HECW2: variants seen among roughly 807,000 people sequenced by gnomAD.
The protein encoded by HECW2 is HECT, C2 and WW domain containing E3 ubiquitin protein ligase 2, also known as E3 ubiquitin-protein ligase HECW2.
Under a neutral mutation model 175.2 loss-of-function variants are expected in HECW2, and 61 were observed. The observed-to-expected ratio is 0.35, with a 90% confidence interval of 0.28 to 0.43. HECW2 has a LOEUF of 0.43. Ranked by LOEUF, HECW2 falls within the 20% of genes least tolerant of loss-of-function variation. The probability of loss-of-function intolerance (pLI) is 1.00; values close to 1 mark genes in which losing one functional copy is unlikely to be tolerated. For synonymous variants in HECW2, 671 were observed against 731.0 expected (o/e 0.92, Z 1.32); for missense variants, 1,524 against 2,000.5 (o/e 0.76, Z 4.54).
chr2:196,512,741 G>A (rs368531861), intron 1 of HECW2, among the ~76,000 whole-genome samples: 1 of 151,748 alleles, frequency 6.6e-6, no homozygotes, highest in African/African-American at 2.4e-5. Flanking sequence ...CCAGGCTGCA[G>A]TGCAGTGGTG....
At chr2:196,439,418 C>T (rs1695976153) in intron 1 of HECW2, among the ~76,000 whole-genome samples, 2 of 152,176 alleles carry the variant, frequency 1.3e-5, no homozygotes, top group Non-Finnish European at 2.9e-5. Flanking sequence ...AACGTCCATC[C>T]TTCCCCTGTC....
intron 1 of HECW2, among the ~76,000 whole-genome samples, chr2:196,499,173 G>A (rs992603800): frequency 2.6e-5 from 4 of 152,202 alleles, no homozygotes; most frequent in African/African-American, 9.6e-5. Context: ...CGCCATCTCA[G>A]TGTATTGGCT....
chr2:196,367,842 A>G lies in HECW2; in HGVS notation c.293-24078T>C, dbSNP rs1366521907. ...AGGATCTCATTCTTTTTCATGGCCG[A>G]ATAGTACTCCATTGTGTGTGTGTGT... On this transcript the variant is annotated intron_variant, in intron 2 of 28. Coordinates refer to ENST00000644978, the MANE Select transcript of HECW2 (RefSeq NM_001348768.2). 6.1e-5 allele frequency among the ~76,000 whole-genome samples: 9 copies of G among 146,944 alleles called. No individual in the cohort carries two copies. The East Asian group carries it at 1.7e-3, about 28-fold the overall frequency.
At chr2:196,445,920 C>G (rs553290809) in intron 1 of HECW2, among the ~76,000 whole-genome samples, 1 of 152,310 alleles carries the variant, frequency 6.6e-6, no homozygotes, top group East Asian at 1.9e-4. Context: ...GAATGAACAG[C>G]CTCCTTCCCC....
At chr2:196,223,428 C>A (rs75602034) in intron 23 of HECW2, among the ~76,000 whole-genome samples, 1 of 150,784 alleles carries the variant, frequency 6.6e-6, no homozygotes, top group African/African-American at 2.4e-5. Context: ...AAGCAAGAGA[C>A]GTAAAAAGGA....
At chr2:196,455,428 G>A (rs1696477367) in intron 1 of HECW2, among the ~76,000 whole-genome samples, 1 of 152,108 alleles carries the variant, frequency 6.6e-6, no homozygotes. Flanking sequence ...ATTTTTCTGA[G>A]ATAACTACAT....
chr2:196,208,659 G>T (rs1687154227), intron 28 of HECW2, among the ~76,000 whole-genome samples: 1 of 152,224 alleles, frequency 6.6e-6, no homozygotes, highest in South Asian at 2.1e-4. Flanking sequence ...ACAAGAAAGA[G>T]CCAGGCATGA....
At chr2:196,338,176 G>A (rs1386505322) in intron 3 of HECW2, among the ~76,000 whole-genome samples, 2 of 152,194 alleles carry the variant, frequency 1.3e-5, no homozygotes, top group African/African-American at 4.8e-5. Flanking sequence ...GCTTTGAACA[G>A]TGTTTAGGAA....
In HECW2 at chr2:196,437,418, C is replaced by T. The variant is rs533601479; in HGVS notation, c.-35-3960G>A. Among the ~76,000 whole-genome samples, 3 of 151,754 alleles carry T rather than the reference C, an allele frequency of 2.0e-5. No homozygotes were observed. The South Asian group carries it at 6.2e-4, about 32-fold the overall frequency. On this transcript the variant is annotated intron_variant, in intron 1 of 28. Transcript: ENST00000644978. ...CCTGAGGTCAGGAGTTCAAGATCAACCTGGCCAACATGGTAAAACTCTGTC... is the reference window on the plus strand; with the variant it reads ...CCTGAGGTCAGGAGTTCAAGATCAATCTGGCCAACATGGTAAAACTCTGTC...
At chr2:196,556,517 T>G (rs773921103) in intron 1 of HECW2, among the ~76,000 whole-genome samples, 2 of 152,170 alleles carry the variant, frequency 1.3e-5, no homozygotes, top group Non-Finnish European at 2.9e-5. Context: ...CATTTATAAG[T>G]GAGATTATGC....
At chr2:196,215,567 G>C (rs1022392084) in intron 28 of HECW2, among the ~76,000 whole-genome samples, 3 of 152,148 alleles carry the variant, frequency 2.0e-5, no homozygotes, top group African/African-American at 7.2e-5. Flanking sequence ...GGAAACACCT[G>C]ATTAGAGCCA....
chr2:196,202,391 C>T (rs2105757135), intron 28 of HECW2, among the ~76,000 whole-genome samples: 1 of 152,182 alleles, frequency 6.6e-6, no homozygotes, highest in African/African-American at 2.4e-5. Context: ...CAGAGATTTG[C>T]AGTTGGACAT....
At chr2:196,234,672 T>C (rs1433672381) in intron 21 of HECW2, among the ~76,000 whole-genome samples, 2 of 152,074 alleles carry the variant, frequency 1.3e-5, no homozygotes, top group Non-Finnish European at 2.9e-5. Context: ...CTGGAGAATG[T>C]GCAGTATAAT....
intron 1 of HECW2, among the ~76,000 whole-genome samples, chr2:196,569,256 C>G (rs1690290876): frequency 1.3e-5 from 2 of 152,136 alleles, no homozygotes; most frequent in Non-Finnish European, 2.9e-5. Context: ...GCAGGAGGCT[C>G]ACTTGAGCCC....
Position 196,286,591 on chromosome 2 carries a change from C to T in HECW2, c.3000+5974G>A, listed in dbSNP as rs73044239. 9.8e-3 allele frequency among the ~76,000 whole-genome samples: 1,489 copies of T among 152,192 alleles called. 23 individuals carry two copies. The highest frequency in any genetic ancestry group is 0.034 in the African/African-American group (1,425 of 41,506). On this transcript the variant is annotated intron_variant, in intron 14 of 28. Coordinates refer to ENST00000644978, the MANE Select transcript of HECW2 (RefSeq NM_001348768.2). ...CCCCTAGACAGTTTATTTTTGCCAT[C>T]TGCCTTCTATGTACACTTACGCATT...
intron 2 of HECW2, among the ~76,000 whole-genome samples, chr2:196,348,722 AG>A: frequency 6.6e-6 from 1 of 152,246 alleles, no homozygotes; most frequent in Non-Finnish European, 1.5e-5. Context: ...TGTGTAATAT[AG>A]AAGTAATTAT....
chr2:196,464,001 T>G (rs1696846743), intron 1 of HECW2, among the ~76,000 whole-genome samples: 1 of 151,994 alleles, frequency 6.6e-6, no homozygotes, highest in Non-Finnish European at 1.5e-5. Flanking sequence ...TATTTTACTT[T>G]CAAATCCATC....
chr2:196,558,587 A>G (rs953352539), intron 1 of HECW2, among the ~76,000 whole-genome samples: 6 of 152,328 alleles, frequency 3.9e-5, no homozygotes, highest in East Asian at 1.9e-4. Flanking sequence ...ACCACTTGCT[A>G]TTGTTTTAAG....
rs1336533997 is a variant in HECW2 at position 196,271,177 on chromosome 2, C to T, written c.3335+16G>A. 4 of 1,450,270 alleles carry T rather than the reference C, an allele frequency of 2.8e-6. No homozygotes were observed. In the East Asian group the frequency reaches 6.8e-5, roughly 25 times the overall value. 89.8% of individuals were successfully genotyped at this position (1,450,270 alleles called of 1,614,324 possible). ...GTGCTTATGCAACTTGAACCAAATA[C>T]CAATATTATTGTTACCTGAGTGAGT... On this transcript the variant is annotated intron_variant, in intron 17 of 28. Transcript: ENST00000644978.
Sources: allele counts gnomAD v4.1 joint callset (sites outside exome capture counted in the v4.1 genomes callset), GRCh38; gene constraint gnomAD v4.1.1; transcripts MANE v1.5; gene names NCBI Gene and HGNC (gene_info 2026-07-23, HGNC 2026-07-21).